The following FILIP1 variants were observed in gnomAD, a reference collection of about 807,000 sequenced individuals.
FILIP1 encodes filamin-A-interacting protein 1.
A neutral mutation model predicts 102.1 loss-of-function variants in FILIP1; 61 were observed. The observed-to-expected ratio is 0.60, with a 90% confidence interval of 0.49 to 0.74. FILIP1 has a LOEUF of 0.74. Ranked by LOEUF, FILIP1 falls within the 30% of genes least tolerant of loss-of-function variation. The pLI is 0.00. For missense variants in FILIP1, 1,314 were observed against 1,441.2 expected (o/e 0.91, Z 1.43); for synonymous variants, 491 against 526.9 (o/e 0.93, Z 0.93).
chr6:75,449,182 C>T (rs925739323), intron 1 of FILIP1, among the ~76,000 whole-genome samples: 2 of 152,034 alleles, frequency 1.3e-5, no homozygotes, highest in African/African-American at 4.8e-5. Flanking sequence ...TTTGCAGCAA[C>T]CTGAATGGAT....
At chr6:75,433,212 C>G (rs1289263034) in intron 1 of FILIP1, among the ~76,000 whole-genome samples, 5 of 152,180 alleles carry the variant, frequency 3.3e-5, no homozygotes, top group Non-Finnish European at 5.9e-5. Context: ...ATGGCTGGGT[C>G]AAATGGTATT....
chr6:75,293,098 A>C (rs185261795), exon 7 of FILIP1: 1 of 152,316 alleles, frequency 6.6e-6, no homozygotes, highest in African/African-American at 2.4e-5. Flanking sequence ...ATCTCTACCA[A>C]AGATACCCTC....
rs150255059 is a variant in FILIP1 at position 75,313,335 on chromosome 6, G to T, written c.2497C>A (p.His833Asn). ...FIRKSFQEEN[H>N]IMSNLRQVGL... ...ACCTGCCGAAGATTACTCATAATAT[G>T]ATTTTCTTCCTGGAAGGATTTCCGT... Residue 833 changes from histidine (H) to asparagine (N), a missense_variant, in exon 5 of 6, where the codon CAT (histidine) becomes AAT (asparagine). Physicochemically the swap from His to Asn is moderately conservative, Grantham distance 68. Coordinates refer to ENST00000237172, the MANE Select transcript of FILIP1 (RefSeq NM_015687.5). This position sits in a 1 kb window ranked among gnomAD's most constrained non-coding sequence, Gnocchi z 4.2. 54 of 1,614,072 alleles carry T rather than the reference G, an allele frequency of 3.3e-5. No homozygotes were observed. In the African/African-American group the frequency reaches 3.6e-4, roughly 11 times the overall value.
intron 1 of FILIP1, among the ~76,000 whole-genome samples, chr6:75,464,465 T>C (rs1224265859): frequency 6.6e-6 from 1 of 152,222 alleles, no homozygotes; most frequent in African/African-American, 2.4e-5. Context: ...AATATTTCCT[T>C]TTTAAAACTG....
At chr6:75,426,494 T>A (rs139079868) in intron 1 of FILIP1, among the ~76,000 whole-genome samples, 15 of 152,078 alleles carry the variant, frequency 9.9e-5, no homozygotes, top group Admixed American at 3.3e-4. Flanking sequence ...GCCCACTAAG[T>A]ATACAGAGGA....
chr6:75,361,325 G>A (rs1027852469), intron 3 of FILIP1, among the ~76,000 whole-genome samples: 2 of 152,174 alleles, frequency 1.3e-5, no homozygotes, highest in Non-Finnish European at 2.9e-5. Flanking sequence ...TCCTGGGTAA[G>A]CGTGTATGCT....
intron 3 of FILIP1, chr6:75,358,706 A>AT (rs1554203413): frequency 1.4e-5 from 2 of 141,340 alleles, no homozygotes; most frequent in African/African-American, 6.4e-5. Flanking sequence ...TTATTTATTT[A>AT]TTTAATTTTT....
chr6:75,353,029 G>A (rs1171754691), intron 4 of FILIP1, among the ~76,000 whole-genome samples: 1 of 150,110 alleles, frequency 6.7e-6, no homozygotes, highest in Admixed American at 6.6e-5. Context: ...ACACGGGGTG[G>A]GGAATATCAC....
At chr6:75,490,379 A>G (rs1326092684) in intron 1 of FILIP1, among the ~76,000 whole-genome samples, 1 of 152,140 alleles carries the variant, frequency 6.6e-6, no homozygotes, top group Non-Finnish European at 1.5e-5. Flanking sequence ...ATCTCACTCA[A>G]TAAGGCTACA....
In FILIP1 at chr6:75,414,853, C is replaced by A. The variant is rs755730124; in HGVS notation, c.120G>T (p.Lys40Asn). Residue 40 changes from lysine (K) to asparagine (N), a missense_variant, in exon 2 of 6, where the codon AAG (lysine) becomes AAT (asparagine). Lys to Asn is a moderately conservative substitution (Grantham distance 94). Transcript: ENST00000237172. The part of the protein sequence containing the change: ...KSLSEDAKKK[K>N]KSNRKEDDVM... ...CATCATCCTCCTTCCTATTTGATTT[C>A]TTCTTCTTTTTTGCATCTTCTGAGA... The A allele has an allele frequency of 1.9e-6, 3 of 1,613,868 alleles. No individual in the cohort carries two copies. The highest frequency in any genetic ancestry group is 2.5e-6 in the Non-Finnish European group (3 of 1,179,870).
At chr6:75,440,168 C>A (rs1000080557) in intron 1 of FILIP1, among the ~76,000 whole-genome samples, 31 of 152,152 alleles carry the variant, frequency 2.0e-4, no homozygotes, top group African/African-American at 7.0e-4. Context: ...CCATCACGGG[C>A]TCTTTGGGCA....
At position 75,308,493 on chromosome 6, in the gene FILIP1, A is replaced by G. The variant is rs1316378093; in HGVS notation, c.*198T>C. On this transcript the variant is annotated 3_prime_UTR_variant, in exon 6 of 6. Coordinates refer to ENST00000237172, the MANE Select transcript of FILIP1 (RefSeq NM_015687.5). The stretch of plus-strand genomic sequence containing the variant: ...CGCCCTGGCTTCTAGGCAGCAAGCA[A>G]TAGTTTTGCTAATTTTGTTCCCCAG... The G allele has an allele frequency of 7.1e-7, 1 of 1,411,482 alleles. No individual in the cohort carries two copies. The highest frequency in any genetic ancestry group is 1.4e-5 in the African/African-American group (1 of 69,140). The allele number at this position is 1,411,482 out of a possible 1,614,324, so 87.4% of individuals were successfully genotyped here.
intron 4 of FILIP1, among the ~76,000 whole-genome samples, chr6:75,325,993 T>C (rs1430647605): frequency 6.6e-6 from 1 of 152,050 alleles, no homozygotes; most frequent in Non-Finnish European, 1.5e-5. Context: ...ACTGCAAAAA[T>C]ATGAAACCAG....
intron 2 of FILIP1, among the ~76,000 whole-genome samples, chr6:75,403,445 A>T (rs563569480): frequency 2.0e-4 from 29 of 147,790 alleles, no homozygotes; most frequent in African/African-American, 7.2e-4. Context: ...AGTTCAGGAG[A>T]TTGAGGCTGC....
chr6:75,420,908 G>A (rs980801915), intron 1 of FILIP1, among the ~76,000 whole-genome samples: 7 of 151,998 alleles, frequency 4.6e-5, no homozygotes, highest in Admixed American at 1.3e-4. Context: ...ACCATTTGAC[G>A]GTTTGAATTT....
At chr6:75,325,644 C>G (rs1038383335) in intron 4 of FILIP1, among the ~76,000 whole-genome samples, 18 of 152,102 alleles carry the variant, frequency 1.2e-4, no homozygotes, top group Non-Finnish European at 2.2e-4. Flanking sequence ...AAAAAATGCT[C>G]AACACCACTA....
At chr6:75,473,467 T>G (rs1779387665) in intron 1 of FILIP1, among the ~76,000 whole-genome samples, 1 of 151,962 alleles carries the variant, frequency 6.6e-6, no homozygotes, top group South Asian at 2.1e-4. Flanking sequence ...TGTTTGTAGG[T>G]GATCCAACTA....
chr6:75,359,072 G>C (rs1417319545), intron 3 of FILIP1, among the ~76,000 whole-genome samples: 1 of 151,488 alleles, frequency 6.6e-6, no homozygotes, highest in Non-Finnish European at 1.5e-5. Context: ...GCGCCATCTT[G>C]GCTCACTGCA....
chr6:75,456,955 A>T (rs1307373533), intron 1 of FILIP1, among the ~76,000 whole-genome samples: 1 of 152,170 alleles, frequency 6.6e-6, no homozygotes, highest in Non-Finnish European at 1.5e-5. Flanking sequence ...AGAGAGGAAA[A>T]ATTTTATGCT....
Sources: gnomAD v4.1 joint callset for allele counts (sites outside exome capture counted in the v4.1 genomes callset) on GRCh38, gnomAD v4.1.1 for gene constraint, Gnocchi (gnomAD v3.1) non-coding constraint, MANE v1.5 for transcripts, NCBI Gene and HGNC (gene_info 2026-07-23, HGNC 2026-07-21) for gene names.